The following PDE1C variants were observed in gnomAD, a reference collection of about 807,000 sequenced individuals.
PDE1C encodes phosphodiesterase 1C, also known as dual specificity calcium/calmodulin-dependent 3',5'-cyclic nucleotide phosphodiesterase 1C.
PDE1C carries 62 observed loss-of-function variants against 93.1 expected under a neutral mutation model. The ratio of observed to expected loss-of-function variants is 0.67; its 90% confidence interval spans 0.54 to 0.82. PDE1C has a LOEUF of 0.82. Ranked by LOEUF, PDE1C falls within the 40% of genes least tolerant of loss-of-function variation. PDE1C has a pLI of 0.00. For synonymous variants in PDE1C, 325 were observed against 310.1 expected, an observed-to-expected ratio of 1.05 and a Z score of -0.50; for missense variants, 742 against 884.6, an observed-to-expected ratio of 0.84 and a Z score of 2.04.
Position 31,809,035 on chromosome 7 carries a change from T to C in PDE1C, c.1887A>G (p.Thr629=), listed in dbSNP as rs1562838322. 2 of 1,551,858 alleles carry C rather than the reference T, an allele frequency of 1.3e-6. No individual in the cohort carries two copies. Residue 629 remains threonine (T), a synonymous_variant, in exon 16 of 18, where the codon ACA becomes ACG. Coordinates refer to ENST00000396191, the MANE Select transcript of PDE1C (RefSeq NM_001191057.4). The part of the protein sequence containing the change: ...HSNIGNDSKK[T]DGTKQRSHGS... Reference sequence around the variant, plus strand: ...TAATGAGAATAATACTCTTACCATCTGTTTTCTTTGAATCATTTCCGATGT... The same window carrying C: ...TAATGAGAATAATACTCTTACCATCCGTTTTCTTTGAATCATTTCCGATGT...
intron 2 of PDE1C, among the ~76,000 whole-genome samples, chr7:31,960,230 A>AT (rs1257986689): frequency 6.6e-6 from 1 of 152,158 alleles, no homozygotes; most frequent in African/African-American, 2.4e-5. Context: ...GAAGCGCACT[A>AT]TTTTAACCCA....
intron 2 of PDE1C, among the ~76,000 whole-genome samples, chr7:32,196,885 T>C (rs1804657780): frequency 1.3e-5 from 2 of 152,296 alleles, no homozygotes; most frequent in South Asian, 2.1e-4. Context: ...GAGATGCATA[T>C]ATGATTTGTA....
In PDE1C at chr7:31,957,338, G is replaced by A. The variant is rs369747091; in HGVS notation, c.129-76478C>T. On this transcript the variant is annotated intron_variant, in intron 2 of 17. Coordinates refer to ENST00000396191, the MANE Select transcript of PDE1C (RefSeq NM_001191057.4). Reference sequence around the variant, plus strand: ...AGGCACAAATATAAACCCTTTCGCTGTAACCCTGGCATCACCCAATTCCCT... The same window carrying A: ...AGGCACAAATATAAACCCTTTCGCTATAACCCTGGCATCACCCAATTCCCT... 1.0e-3 allele frequency among the ~76,000 whole-genome samples: 154 copies of A among 152,146 alleles called. 1 individual carries two copies. The highest frequency in any genetic ancestry group is 3.6e-3 in the African/African-American group (148 of 41,480).
intron 2 of PDE1C, among the ~76,000 whole-genome samples, chr7:32,004,164 C>A (rs1785858424): frequency 6.6e-6 from 1 of 152,062 alleles, no homozygotes; most frequent in African/African-American, 2.4e-5. Flanking sequence ...CTAGAAAGAT[C>A]TTGTCAGACT....
At chr7:32,225,022 T>TAAAA (rs58376421) in intron 1 of PDE1C, among the ~76,000 whole-genome samples, 7 of 100,804 alleles carry the variant, frequency 6.9e-5, no homozygotes, top group South Asian at 3.1e-4. Context: ...CTTTCTTATT[T>TAAAA]AAAAAAAAAA....
chr7:32,013,693 A>C (rs1316742220), intron 2 of PDE1C, among the ~76,000 whole-genome samples: 1 of 152,240 alleles, frequency 6.6e-6, no homozygotes, highest in African/African-American at 2.4e-5. Flanking sequence ...TAAGCACGCC[A>C]GGGCAAATAT....
At chr7:32,262,516 G>A (rs922524310) in intron 1 of PDE1C, among the ~76,000 whole-genome samples, 2 of 152,184 alleles carry the variant, frequency 1.3e-5, no homozygotes, top group African/African-American at 4.8e-5. Context: ...GACTGCAGGA[G>A]GCCCCAGCAT....
the PDE1C span, among the ~76,000 whole-genome samples, chr7:31,728,093 T>C: frequency 7.9e-5 from 12 of 152,182 alleles, no homozygotes; most frequent in Non-Finnish European, 1.3e-4. Context: ...GGTTGATTTA[T>C]AGTCACTGAG....
chr7:31,969,215 T>A (rs1810526962), intron 2 of PDE1C, among the ~76,000 whole-genome samples: 1 of 152,044 alleles, frequency 6.6e-6, no homozygotes, highest in Non-Finnish European at 1.5e-5. Context: ...ACCTACAGAA[T>A]GGGAGAAAAT....
the PDE1C span, chr7:31,651,289 A>G: frequency 6.2e-7 from 1 of 1,610,406 alleles, no homozygotes. Flanking sequence ...TAAGGGAGCC[A>G]TAAAAGTAAG....
chr7:32,095,301 G>C (rs777107136), intron 3 of PDE1C, among the ~76,000 whole-genome samples: 21 of 152,308 alleles, frequency 1.4e-4, no homozygotes, highest in Admixed American at 9.1e-4. Flanking sequence ...ACCCTTGTCA[G>C]AGGGAAAAAC....
upstream of PDE1C, chr7:32,070,496 G>T: frequency 2.6e-6 from 4 of 1,556,770 alleles, no homozygotes; most frequent in Non-Finnish European, 3.5e-6. Context: ...CGCGGCGCGC[G>T]TTTGCCCGGC....
At chr7:31,921,048 T>C (rs758848833) in intron 2 of PDE1C, among the ~76,000 whole-genome samples, 46 of 152,196 alleles carry the variant, frequency 3.0e-4, no homozygotes, top group Middle Eastern at 3.4e-3. Flanking sequence ...TAAAGCAAAC[T>C]CAGGCTACTG....
At chr7:32,101,738 G>C (rs1259111992) in intron 3 of PDE1C, among the ~76,000 whole-genome samples, 1 of 152,168 alleles carries the variant, frequency 6.6e-6, no homozygotes, top group Non-Finnish European at 1.5e-5. Context: ...AAATTTCCCA[G>C]TCTCTGGTAT....
At chr7:31,857,156 T>A (rs1794126300) in intron 7 of PDE1C, among the ~76,000 whole-genome samples, 1 of 152,192 alleles carries the variant, frequency 6.6e-6, no homozygotes, top group Non-Finnish European at 1.5e-5. Flanking sequence ...TATGAATCAA[T>A]GAGAAATACA....
chr7:32,194,063 C>T (rs191115767), intron 2 of PDE1C, among the ~76,000 whole-genome samples: 30 of 151,904 alleles, frequency 2.0e-4, no homozygotes, highest in Admixed American at 5.9e-4. Flanking sequence ...TACAGGCGCC[C>T]GCCACCACAC....
chr7:32,313,237 T>G (rs997724957), intron 1 of PDE1C, among the ~76,000 whole-genome samples: 3 of 152,082 alleles, frequency 2.0e-5, no homozygotes, highest in East Asian at 1.9e-4. Context: ...TTGCGATCAT[T>G]AAAAAGTCAG....
chr7:31,849,033 A>G (rs746993387), intron 8 of PDE1C, among the ~76,000 whole-genome samples: 1 of 152,242 alleles, frequency 6.6e-6, no homozygotes, highest in Non-Finnish European at 1.5e-5. Context: ...AACAGGGCCA[A>G]TGTTTAAATT....
chr7:31,924,280 A>G (rs1214930346), intron 2 of PDE1C, among the ~76,000 whole-genome samples: 2 of 152,230 alleles, frequency 1.3e-5, no homozygotes, highest in African/African-American at 4.8e-5. Context: ...CAGACAATCA[A>G]TATTTGTTGA....
Sources: allele counts gnomAD v4.1 joint callset (sites outside exome capture counted in the v4.1 genomes callset), GRCh38; gene constraint gnomAD v4.1.1; transcripts MANE v1.5; gene names NCBI Gene and HGNC (gene_info 2026-07-23, HGNC 2026-07-21).